Variants in WNK4 observed in about 807,000 individuals in gnomAD.
WNK4 encodes WNK lysine deficient protein kinase 4.
Under a neutral mutation model 116.2 loss-of-function variants are expected in WNK4, and 94 were observed. The observed-to-expected ratio is 0.81, with a 90% CI of 0.68 to 0.96. WNK4 has a LOEUF of 0.96. Among genes scored for constraint, WNK4 ranks in the 40% least tolerant of loss-of-function variants. The pLI is 0.00. For synonymous variants in WNK4, 655 were observed against 672.7 expected, an observed-to-expected ratio of 0.97 and a Z score of 0.41; for missense variants, 1,542 against 1,650.6, an observed-to-expected ratio of 0.93 and a Z score of 1.14.
chr17:42,787,128 T>TCTA lies in WNK4; in HGVS notation c.1477-150_1477-149insCTA, dbSNP rs2054557693. 2.6e-6 allele frequency: 3 copies of TCTA among 1,138,048 alleles called. No homozygotes were observed. In the African/African-American group the frequency reaches 4.6e-5, roughly 18 times the overall value. The allele number at this position is 1,138,048 out of a possible 1,614,324, so 70.5% of individuals were successfully genotyped here. Reference sequence around the variant, plus strand: ...TGTTTGGAGGATCTAGTGATGATAATGTAAGGAGCTGCCAGTTAACAGACA... The same window carrying TCTA: ...TGTTTGGAGGATCTAGTGATGATAATCTAGTAAGGAGCTGCCAGTTAACAGACA... On this transcript the variant is annotated intron_variant, in intron 6 of 18. Transcript: ENST00000246914.
chr17:42,795,253 C>G lies in WNK4; in HGVS notation c.2832C>G (p.Pro944=). The G allele has an allele frequency of 6.2e-7, 1 of 1,613,886 alleles. No individual in the cohort carries two copies. Among genetic ancestry groups the G allele is most frequent in the Non-Finnish European group, 8.5e-7 (1 of 1,179,878 alleles). ...VMTVAQSLLS[P]SPGLLSQSPP... The stretch of plus-strand genomic sequence containing the variant: ...CTGTGGCCCAGTCCCTGCTGTCCCC[C>G]TCACCTGGGCTCCTTTCCCAGTCTC... The change falls in exon 14 of 19, where the codon CCC becomes CCG. Residue 944 remains proline, a synonymous_variant. Coordinates refer to ENST00000246914, the MANE Select transcript of WNK4 (RefSeq NM_032387.5).
intron 11 of WNK4, among the ~76,000 whole-genome samples, chr17:42,790,020 C>T (rs1473516863): frequency 4.0e-5 from 6 of 151,266 alleles, no homozygotes; most frequent in Admixed American, 2.0e-4. Flanking sequence ...AAAACAAAAA[C>T]AAAAAAACAA....
chr17:42,785,010 G>A (rs2054529030), intron 4 of WNK4, 87 bp from the exon 5 acceptor site: 1 of 1,375,088 alleles, frequency 7.3e-7, no homozygotes. Context: ...GCTGCCTAAG[G>A]AGGGAGTGGA....
Position 42,780,865 on chromosome 17 carries a change from C to T in WNK4, c.167C>T (p.Ser56Phe). 6.2e-7 allele frequency: 1 copy of T among 1,604,264 alleles called. No homozygotes were observed. Among genetic ancestry groups the T allele is most frequent in the Non-Finnish European group, 8.5e-7 (1 of 1,179,336 alleles). ...GGGAAGGCTGAGCCCCGGCCGCGCT[C>T]TTCTCGTCTCAGCCGCCGTAGCTCA... ...FSGKAEPRPR[S>F]SRLSRRSSVD... The change falls in exon 1 of 19, where the codon TCT becomes TTT. Residue 56 changes from serine to phenylalanine, a missense_variant. Ser to Phe is a radical substitution (Grantham distance 155, BLOSUM62 -2). Transcript: ENST00000246914.
chr17:42,793,572 A>C lies in WNK4; in HGVS notation c.2158-20A>C, dbSNP rs778080117. On this transcript the variant is annotated intron_variant, in intron 11 of 18. Transcript: ENST00000246914. The stretch of plus-strand genomic sequence containing the variant: ...GTGAGATAACAAGCTCTCCCTCCCC[A>C]TCCTGTTGACCCTCGCAAGGTATAT... The C allele has an allele frequency of 1.5e-5, 24 of 1,613,468 alleles. No homozygotes were observed. The highest frequency in any genetic ancestry group is 2.0e-5 in the Non-Finnish European group (24 of 1,179,546).
chr17:42,787,518 C>T lies in WNK4; in HGVS notation c.1717C>T (p.His573Tyr), dbSNP rs1169965828. Residue 573 changes from histidine (H) to tyrosine (Y), a missense_variant, in exon 7 of 19, where the codon CAC (histidine) becomes TAC (tyrosine). His to Tyr is a moderately conservative substitution (Grantham distance 83). Around this residue, in one of 7 missense-constraint regions of WNK4, gnomAD observed 808 missense variants for 873.6 expected, o/e 0.92. Coordinates refer to ENST00000246914, the MANE Select transcript of WNK4 (RefSeq NM_032387.5). ...ADQHQPFLFR[H>Y]ASYSSTTSDC... ...CCAGCACCAGCCCTTCCTTTTCCGC[C>T]ACGCCAGCTACTCATCTACCACTTG... 1.2e-5 allele frequency: 19 copies of T among 1,612,744 alleles called. No individual in the cohort carries two copies. Among genetic ancestry groups the T allele is most frequent in the Non-Finnish European group, 1.6e-5 (19 of 1,179,588 alleles).
Position 42,781,271 on chromosome 17 carries a change from GC to G in WNK4, c.574del (p.Leu192Ter). On this transcript the variant is annotated frameshift_variant, in exon 1 of 19. Transcript: ENST00000246914. LOFTEE classifies it high-confidence loss of function. The stretch of plus-strand genomic sequence containing the variant: ...GCTCCTTCAAGACGGTGTATCGAGG[GC>G]TAGACACCGACACCACAGTGGAGGT... ...RGSFKTVYRG[L>X]DTDTTVEVAW... 1 of 1,614,204 alleles carries G rather than the reference GC, an allele frequency of 6.2e-7. No homozygotes were observed. The highest frequency in any genetic ancestry group is 8.5e-7 in the Non-Finnish European group (1 of 1,180,038).
At chr17:42,790,200 G>A (rs1040662528) in intron 11 of WNK4, among the ~76,000 whole-genome samples, 2 of 151,988 alleles carry the variant, frequency 1.3e-5, no homozygotes, top group African/African-American at 2.4e-5. Flanking sequence ...GGGTTGTTTC[G>A]GGAAAATAAG....
chr17:42,796,258 C>T lies in WNK4; in HGVS notation c.3567C>T (p.Leu1189=), dbSNP rs769688931. 20 of 1,611,538 alleles carry T rather than the reference C, an allele frequency of 1.2e-5. No homozygotes were observed. The Admixed American group carries it at 3.0e-4, about 24-fold the overall frequency. ...AAMLSSRQRR[L]SKGSFPTSRR... Reference sequence around the variant, plus strand: ...TGCTGTCCAGCCGCCAGCGCCGCCTCTCCAAGGGCAGCTTCCCCACCTCCC... The same window carrying T: ...TGCTGTCCAGCCGCCAGCGCCGCCTTTCCAAGGGCAGCTTCCCCACCTCCC... The change falls in exon 17 of 19, where the codon CTC becomes CTT. Residue 1189 remains leucine, a synonymous_variant. Coordinates refer to ENST00000246914, the MANE Select transcript of WNK4 (RefSeq NM_032387.5).
chr17:42,784,176 G>A lies in WNK4; in HGVS notation c.1012+19G>A, dbSNP rs769410713. ...GTCATCGGTGCGTCTCTCCAGGAGG[G>A]TCCATGCCATTCCTTCCTCCCCCAC... On this transcript the variant is annotated intron_variant, in intron 3 of 18. Coordinates refer to ENST00000246914, the MANE Select transcript of WNK4 (RefSeq NM_032387.5). The surrounding 1 kb of genome is among the most constrained non-coding windows in gnomAD (Gnocchi z 4.4). 11 of 1,603,578 alleles carry A rather than the reference G, an allele frequency of 6.9e-6. No homozygotes were observed. The highest frequency in any genetic ancestry group is 1.1e-5 in the South Asian group (1 of 91,082).
intron 6 of WNK4, 144 bp downstream of exon 6, chr17:42,785,626 C>A: frequency 9.5e-7 from 1 of 1,055,662 alleles, no homozygotes. Context: ...TGCAGCGTCT[C>A]CCTACCTCTC....
chr17:42,784,734 G>GC lies in WNK4; in HGVS notation c.1170+160dup, dbSNP rs2054524718. ...ACAGAAGGATATTGAGTGCACACGC[G>GC]CCCCCACCAGTACACGCTATTTAGA... On this transcript the variant is annotated intron_variant, in intron 4 of 18. Coordinates refer to ENST00000246914, the MANE Select transcript of WNK4 (RefSeq NM_032387.5). This position sits in a 1 kb window ranked among gnomAD's most constrained non-coding sequence, Gnocchi z 4.4. Among the ~76,000 whole-genome samples, 1 of 152,168 alleles carries GC rather than the reference G, an allele frequency of 6.6e-6. No homozygotes were observed. Among genetic ancestry groups the GC allele is most frequent in the Non-Finnish European group, 1.5e-5 (1 of 67,992 alleles).
In WNK4 at chr17:42,781,038, GC is replaced by G; in HGVS notation, c.344del (p.Pro115LeufsTer2). ...CCCCGAGGGCACGTGGACCGAGGGA[GC>G]CCCTGTGAAGGCTGCGGAAGACTCC... Reference protein sequence around the residue: ...EPPEGTWTEGAPVKAAEDSAR... With the variant: ...EPPEGTWTEGXPVKAAEDSAR... On this transcript the variant is annotated frameshift_variant, in exon 1 of 19. Transcript: ENST00000246914. LOFTEE classifies it high-confidence loss of function. 1 of 1,611,020 alleles carries G rather than the reference GC, an allele frequency of 6.2e-7. No individual in the cohort carries two copies. The highest frequency in any genetic ancestry group is 8.5e-7 in the Non-Finnish European group (1 of 1,179,408).
intron 2 of WNK4, 142 bp from the exon 3 acceptor site, chr17:42,783,795 C>G: frequency 1.3e-6 from 1 of 793,574 alleles, no homozygotes; most frequent in Non-Finnish European, 2.1e-6. Flanking sequence ...TCCCTGGGGC[C>G]GGGCAGACAT....
chr17:42,786,399 C>CT (rs1045227352), intron 6 of WNK4, among the ~76,000 whole-genome samples: 4 of 152,032 alleles, frequency 2.6e-5, no homozygotes, highest in Admixed American at 1.3e-4. Context: ...GTATGGGATT[C>CT]TTTTTTTGGG....
Position 42,784,455 on chromosome 17 carries a change from A to C in WNK4, c.1046A>C (p.Glu349Ala). ...GAATTCATGGCCCCCGAGATGTACGAGGAAAAGTACGATGAGGCCGTGGAC... is the reference window on the plus strand; with the variant it reads ...GAATTCATGGCCCCCGAGATGTACGCGGAAAAGTACGATGAGGCCGTGGAC... ...TPEFMAPEMY[E>A]EKYDEAVDVY... The change falls in exon 4 of 19, where the codon GAG (glutamate) becomes GCG (alanine). Residue 349 changes from glutamate to alanine, a missense_variant. By Grantham distance (107) the Glu-to-Ala change is moderately radical. This residue lies in a region of WNK4 where 808 missense variants were observed against 873.6 expected (regional missense o/e 0.92). Coordinates refer to ENST00000246914, the MANE Select transcript of WNK4 (RefSeq NM_032387.5). This position sits in a 1 kb window ranked among gnomAD's most constrained non-coding sequence, Gnocchi z 4.4. The C allele has an allele frequency of 6.2e-7, 1 of 1,613,478 alleles. No homozygotes were observed. The highest frequency in any genetic ancestry group is 8.5e-7 in the Non-Finnish European group (1 of 1,179,778).
chr17:42,795,257 C>G lies in WNK4; in HGVS notation c.2836C>G (p.Pro946Ala). Reference protein sequence around the residue: ...TVAQSLLSPSPGLLSQSPPAP... With the variant: ...TVAQSLLSPSAGLLSQSPPAP... ...GGCCCAGTCCCTGCTGTCCCCCTCACCTGGGCTCCTTTCCCAGTCTCCTCC... is the reference window on the plus strand; with the variant it reads ...GGCCCAGTCCCTGCTGTCCCCCTCAGCTGGGCTCCTTTCCCAGTCTCCTCC... The change falls in exon 14 of 19, where the codon CCT becomes GCT. Residue 946 changes from proline to alanine, a missense_variant. Around this residue, in one of 7 missense-constraint regions of WNK4, gnomAD observed 292 missense variants for 290.1 expected, o/e 1.01. Coordinates refer to ENST00000246914, the MANE Select transcript of WNK4 (RefSeq NM_032387.5). 2 of 1,613,898 alleles carry G rather than the reference C, an allele frequency of 1.2e-6. No homozygotes were observed. The highest frequency in any genetic ancestry group is 1.7e-6 in the Non-Finnish European group (2 of 1,179,884).
At chr17:42,794,492 C>T in intron 12 of WNK4, 122 bp from the exon 13 acceptor site, 2 of 1,057,192 alleles carry the variant, frequency 1.9e-6, no homozygotes, top group Non-Finnish European at 2.9e-6. Context: ...TTCTGAATCC[C>T]TTGAAACTCA....
At chr17:42,783,308 G>T (rs1161333710) in intron 2 of WNK4, among the ~76,000 whole-genome samples, 1 of 152,080 alleles carries the variant, frequency 6.6e-6, no homozygotes, top group African/African-American at 2.4e-5. Context: ...CCCTCTAAGC[G>T]ATCCTATCTT....
Sources: gnomAD v4.1 joint callset for allele counts (sites outside exome capture counted in the v4.1 genomes callset) on GRCh38, gnomAD v4.1.1 for gene constraint, gnomAD v4.1.1 regional missense constraint, Gnocchi (gnomAD v3.1) non-coding constraint, MANE v1.5 for transcripts, NCBI Gene and HGNC (gene_info 2026-07-23, HGNC 2026-07-21) for gene names.